TIAM2: variants seen among roughly 807,000 people sequenced by gnomAD.
TIAM2 encodes rho guanine nucleotide exchange factor TIAM2.
TIAM2 carries 80 observed loss-of-function variants against 152.9 expected under a neutral mutation model. That is an observed-to-expected ratio of 0.52 (90% confidence interval 0.44 to 0.63). TIAM2 has a LOEUF of 0.63. Among genes scored for constraint, TIAM2 ranks in the 30% least tolerant of loss-of-function variants. The pLI, the probability that TIAM2 is intolerant of heterozygous loss-of-function variation, is 0.00. For missense variants in TIAM2, 1,965 were observed against 2,120.1 expected (o/e 0.93, Z 1.44); for synonymous variants, 804 against 838.0 (o/e 0.96, Z 0.70).
intron 15 of TIAM2, among the ~76,000 whole-genome samples, chr6:155,220,803 A>T (rs1303638511): frequency 6.6e-6 from 1 of 152,186 alleles, no homozygotes; most frequent in Admixed American, 6.5e-5. Flanking sequence ...TCTGGGATAC[A>T]TGTGCAGAAT....
intron 1 of TIAM2, among the ~76,000 whole-genome samples, chr6:155,021,321 G>T (rs1356185431): frequency 6.6e-6 from 1 of 152,086 alleles, no homozygotes; most frequent in African/African-American, 2.4e-5. Flanking sequence ...GAGTGCAATG[G>T]TACGATCTCG....
intron 9 of TIAM2, among the ~76,000 whole-genome samples, chr6:155,175,323 T>C (rs1263943875): frequency 6.6e-6 from 1 of 152,244 alleles, no homozygotes; most frequent in Non-Finnish European, 1.5e-5. Flanking sequence ...CTTTACGATG[T>C]CTCTTCTAGT....
intron 1 of TIAM2, among the ~76,000 whole-genome samples, chr6:154,996,776 T>A (rs1334830199): frequency 6.6e-6 from 1 of 152,224 alleles, no homozygotes; most frequent in Non-Finnish European, 1.5e-5. Context: ...GTTTTAAAAA[T>A]ATAGTATCAT....
At chr6:155,195,747 A>G (rs1781327685) in intron 14 of TIAM2, among the ~76,000 whole-genome samples, 1 of 152,218 alleles carries the variant, frequency 6.6e-6, no homozygotes, top group African/African-American at 2.4e-5. Flanking sequence ...AACAATGGAC[A>G]CCTAGGAGCA....
intron 21 of TIAM2, chr6:155,250,541 C>T: frequency 1.3e-6 from 2 of 1,535,806 alleles, no homozygotes; most frequent in Non-Finnish European, 1.7e-6. Context: ...TTATCAGCAG[C>T]CCGAATGGAG....
intron 1 of TIAM2, among the ~76,000 whole-genome samples, chr6:155,057,017 C>CT (rs71023612): frequency 0.16 from 7,135 of 43,910 alleles, 1,553 homozygotes; most frequent in Non-Finnish European, 0.22. Context: ...AGTTTTCTTT[C>CT]TTTTTTTTTT....
intron 26 of TIAM2, 97 bp downstream of exon 26, chr6:155,254,670 G>T: frequency 6.9e-7 from 1 of 1,453,826 alleles, no homozygotes; most frequent in South Asian, 1.3e-5. Context: ...TTTTCACTTT[G>T]TAAGTCATCG....
At chr6:155,083,562 T>C (rs1439625859) in intron 1 of TIAM2, among the ~76,000 whole-genome samples, 2 of 152,108 alleles carry the variant, frequency 1.3e-5, no homozygotes, top group Admixed American at 6.5e-5. Context: ...ATGTTGTAAA[T>C]ATTGCACAAG....
At chr6:155,217,088 C>G in intron 15 of TIAM2, 1 of 1,289,498 alleles carries the variant, frequency 7.8e-7, no homozygotes. Flanking sequence ...TTATGTACAG[C>G]ATGTAAGTAA....
chr6:155,094,703 C>G (rs528145419), intron 2 of TIAM2, among the ~76,000 whole-genome samples: 3 of 151,532 alleles, frequency 2.0e-5, no homozygotes, highest in Middle Eastern at 3.4e-3. Context: ...GCATGTCCCA[C>G]CATACCTGGC....
At chr6:155,231,640 C>A (rs1782482310) in intron 15 of TIAM2, among the ~76,000 whole-genome samples, 1 of 152,234 alleles carries the variant, frequency 6.6e-6, no homozygotes, top group Non-Finnish European at 1.5e-5. Context: ...AGCTTCCCCC[C>A]AAGCACTAAA....
chr6:155,100,440 C>T (rs1481794063), intron 2 of TIAM2, among the ~76,000 whole-genome samples: 4 of 152,166 alleles, frequency 2.6e-5, no homozygotes, highest in Admixed American at 1.3e-4. Context: ...TGTGGAGTGG[C>T]TTATTTAAAA....
intron 11 of TIAM2, 48 bp from the exon 12 acceptor site, chr6:155,179,330 G>T (rs1452953849): frequency 6.3e-6 from 10 of 1,579,034 alleles, no homozygotes; most frequent in Middle Eastern, 1.7e-4. Flanking sequence ...ATTTTTTGAG[G>T]TATCATAACA....
At chr6:155,247,898 G>A in intron 19 of TIAM2, 102 bp from the exon 20 acceptor site, 1 of 1,393,714 alleles carries the variant, frequency 7.2e-7, no homozygotes, top group Non-Finnish European at 9.8e-7. Context: ...ATGGCATTAG[G>A]AGGACTATAG....
At chr6:155,248,254 G>A in intron 20 of TIAM2, 75 bp downstream of exon 20, 1 of 1,501,190 alleles carries the variant, frequency 6.7e-7, no homozygotes, top group Non-Finnish European at 8.9e-7. Context: ...CCCTGGGCCT[G>A]ACAGCTCACC....
chr6:155,028,782 G>A (rs143656827), intron 1 of TIAM2, among the ~76,000 whole-genome samples: 2,028 of 89,304 alleles, frequency 0.023, 48 homozygotes, highest in Middle Eastern at 0.047. Context: ...TATACTACAT[G>A]TAATATATAT....
rs746067347 is a variant in TIAM2 at position 155,129,450 on chromosome 6, C to G, written c.227C>G (p.Ser76Trp). 1 of 1,614,124 alleles carries G rather than the reference C, an allele frequency of 6.2e-7. No individual in the cohort carries two copies. The highest frequency in any genetic ancestry group is 8.5e-7 in the Non-Finnish European group (1 of 1,180,022). Residue 76 changes from serine (S) to tryptophan (W), a missense_variant, in exon 4 of 27, where the codon TCG (serine) becomes TGG (tryptophan). This residue lies in a region of TIAM2 where 1,025 missense variants were observed against 1,119.4 expected (regional missense o/e 0.92). Coordinates refer to ENST00000682666, the MANE Select transcript of TIAM2 (RefSeq NM_012454.4). The surrounding 1 kb of genome is among the most constrained non-coding windows in gnomAD (Gnocchi z 4.8). ...SHFKSNQPYA[S>W]RLGGPTCKVS... The stretch of plus-strand genomic sequence containing the variant: ...TTTAAGAGTAACCAGCCTTACGCAT[C>G]GAGACTCGGTGGCCCCACATGCAAG...
intron 2 of TIAM2, among the ~76,000 whole-genome samples, chr6:155,113,830 G>A (rs73004922): frequency 0.074 from 11,169 of 151,630 alleles, 531 homozygotes; most frequent in East Asian, 0.23. Flanking sequence ...GTTTATTGCT[G>A]TATCCCCAGG....
rs1782975099 is a variant in TIAM2, at chr6:155,240,488, G to A, written c.3169-42G>A. On this transcript the variant is annotated intron_variant, in intron 15 of 26. Coordinates refer to ENST00000682666, the MANE Select transcript of TIAM2 (RefSeq NM_012454.4). ...CTTGGGGGCAGCGGATACTATCAGG[G>A]AGAGGCCCGTGCATTATTTTCCACC... The A allele has an allele frequency of 4.5e-6, 7 of 1,565,994 alleles. No homozygotes were observed. In the East Asian group the frequency reaches 1.6e-4, roughly 35 times the overall value.
Sources: gnomAD v4.1 joint callset for allele counts (sites outside exome capture counted in the v4.1 genomes callset) on GRCh38, gnomAD v4.1.1 for gene constraint, gnomAD v4.1.1 regional missense constraint, Gnocchi (gnomAD v3.1) non-coding constraint, MANE v1.5 for transcripts, NCBI Gene and HGNC (gene_info 2026-07-23, HGNC 2026-07-21) for gene names.